ASTN2: variants seen among roughly 807,000 people sequenced by gnomAD.
The protein encoded by ASTN2 is astrotactin 2, also known as astrotactin-2.
In ASTN2, 54 loss-of-function variants were observed where a neutral mutation model predicts 139.8. That is an observed-to-expected ratio of 0.39 (90% CI 0.31 to 0.48). The LOEUF (loss-of-function observed/expected upper bound fraction) is 0.48, where lower values mean the gene tolerates loss of function less well. ASTN2 is among the 20% of genes least tolerant of loss of function. The pLI is 0.95. For synonymous variants in ASTN2, 756 were observed against 719.5 expected, an observed-to-expected ratio of 1.05 and a Z score of -0.81; for missense variants, 1,565 against 1,725.1, an observed-to-expected ratio of 0.91 and a Z score of 1.64.
At chr9:116,697,464 A>G (rs1243221881) in intron 16 of ASTN2, 5 of 431,804 alleles carry the variant, frequency 1.2e-5, no homozygotes, top group South Asian at 9.8e-5. Flanking sequence ...AATCTGAATT[A>G]TTTCCCACTA....
chr9:116,795,018 C>T (rs1830654233), intron 13 of ASTN2, among the ~76,000 whole-genome samples: 1 of 152,152 alleles, frequency 6.6e-6, no homozygotes, highest in African/African-American at 2.4e-5. Context: ...CTCTTGTTGC[C>T]CAGGCTAGAG....
intron 16 of ASTN2, among the ~76,000 whole-genome samples, chr9:116,671,753 C>T (rs1859207221): frequency 1.3e-5 from 2 of 152,122 alleles, no homozygotes; most frequent in Admixed American, 1.3e-4. Context: ...GGGCAGTCTC[C>T]AGCCAAAAGC....
At chr9:116,976,231 A>G (rs768559478) in intron 8 of ASTN2, 43 bp from the exon 9 acceptor site, 4 of 1,564,432 alleles carry the variant, frequency 2.6e-6, no homozygotes, top group African/African-American at 2.7e-5. Context: ...CATTAGTCAG[A>G]GGCAGGTAGA....
chr9:116,460,504 T>A (rs948154407), intron 20 of ASTN2, among the ~76,000 whole-genome samples: 6 of 152,252 alleles, frequency 3.9e-5, no homozygotes, highest in African/African-American at 1.4e-4. Flanking sequence ...CTTTAGCTTT[T>A]TTATTTTTGA....
intron 10 of ASTN2, among the ~76,000 whole-genome samples, chr9:116,884,800 T>TCCC (rs146077443): frequency 2.8e-4 from 25 of 90,446 alleles, no homozygotes; most frequent in East Asian, 5.0e-4. Context: ...TCTCCAAATA[T>TCCC]CCGCCCCCCC....
chr9:117,168,601 C>T (rs533333790), intron 3 of ASTN2, among the ~76,000 whole-genome samples: 71 of 152,014 alleles, frequency 4.7e-4, no homozygotes, highest in Non-Finnish European at 9.4e-4. Flanking sequence ...TAATCCTCAC[C>T]GATTTCCAGA....
intron 7 of ASTN2, among the ~76,000 whole-genome samples, chr9:116,998,712 T>A (rs1263875056): frequency 6.6e-6 from 1 of 152,182 alleles, no homozygotes; most frequent in Non-Finnish European, 1.5e-5. Flanking sequence ...TATACAAATG[T>A]CCCCTCTACA....
intron 6 of ASTN2, among the ~76,000 whole-genome samples, chr9:117,021,868 T>C (rs1837892512): frequency 6.6e-6 from 1 of 152,190 alleles, no homozygotes; most frequent in Non-Finnish European, 1.5e-5. Flanking sequence ...TAATAAATGC[T>C]GGATAAATAT....
In ASTN2 at chr9:117,137,032, T is replaced by C. The variant is rs530216623; in HGVS notation, c.1168+4294A>G. On this transcript the variant is annotated intron_variant, in intron 4 of 22. Coordinates refer to ENST00000313400, the MANE Select transcript of ASTN2 (RefSeq NM_001365068.1). ...AAACCTATGGAATTTCTTCTGTACA[T>C]CCAAAGAAATCTTCCTCTGCTTTAT... Among the ~76,000 whole-genome samples the C allele has an allele frequency of 1.6e-4, 23 of 147,104 alleles. No homozygotes were observed. In the East Asian group the frequency reaches 4.4e-3, roughly 28 times the overall value.
At chr9:116,663,437 C>A (rs1858679001) in intron 16 of ASTN2, among the ~76,000 whole-genome samples, 1 of 152,090 alleles carries the variant, frequency 6.6e-6, no homozygotes, top group South Asian at 2.1e-4. Flanking sequence ...TACTGTTTTC[C>A]TGGGGGTTCA....
intron 7 of ASTN2, among the ~76,000 whole-genome samples, chr9:117,002,141 C>T (rs1205531661): frequency 1.3e-5 from 2 of 152,064 alleles, no homozygotes; most frequent in South Asian, 2.1e-4. Context: ...CTGGGCATTG[C>T]GGTGGAAAGA....
intron 5 of ASTN2, among the ~76,000 whole-genome samples, chr9:117,080,399 T>C (rs1828394560): frequency 1.3e-5 from 2 of 152,132 alleles, no homozygotes. Context: ...TTTTTCAGTA[T>C]TAGAGATTAT....
At chr9:117,153,742 T>C (rs1830374426) in intron 3 of ASTN2, among the ~76,000 whole-genome samples, 1 of 152,074 alleles carries the variant, frequency 6.6e-6, no homozygotes, top group South Asian at 2.1e-4. Context: ...TTAGTGATAA[T>C]TGTGAGGATG....
intron 11 of ASTN2, among the ~76,000 whole-genome samples, chr9:116,861,214 TACAC>T (rs60909208): frequency 0.096 from 13,711 of 143,534 alleles, 795 homozygotes; most frequent in African/African-American, 0.13. Context: ...AAGCCCAAGC[TACAC>T]ACACACACAC....
chr9:116,518,444 A>G (rs1253564265), intron 19 of ASTN2, among the ~76,000 whole-genome samples: 1 of 152,106 alleles, frequency 6.6e-6, no homozygotes, highest in East Asian at 1.9e-4. Context: ...AGTCTTTTCT[A>G]GACAAACAAA....
intron 13 of ASTN2, among the ~76,000 whole-genome samples, chr9:116,778,246 A>G (rs1830133584): frequency 6.6e-6 from 1 of 152,194 alleles, no homozygotes; most frequent in Non-Finnish European, 1.5e-5. Context: ...CTAGAAAGAT[A>G]GCACTACAGT....
At chr9:117,278,083 T>A (rs2133137310) in intron 2 of ASTN2, among the ~76,000 whole-genome samples, 1 of 152,286 alleles carries the variant, frequency 6.6e-6, no homozygotes, top group East Asian at 1.9e-4. Context: ...TCATGATAAA[T>A]CATCTCTGAC....
At chr9:116,885,035 G>C (rs989211737) in intron 10 of ASTN2, among the ~76,000 whole-genome samples, 5 of 151,742 alleles carry the variant, frequency 3.3e-5, no homozygotes, top group African/African-American at 1.2e-4. Flanking sequence ...CTTTTTATAA[G>C]GACAACAGTC....
At chr9:116,657,937 G>A (rs987999249) in intron 16 of ASTN2, among the ~76,000 whole-genome samples, 4 of 149,346 alleles carry the variant, frequency 2.7e-5, no homozygotes, top group African/African-American at 9.8e-5. Context: ...ACCCAGATTG[G>A]AGTGCAGTGG....
Sources: allele counts gnomAD v4.1 joint callset (sites outside exome capture counted in the v4.1 genomes callset), GRCh38; gene constraint gnomAD v4.1.1; transcripts MANE v1.5; gene names NCBI Gene and HGNC (gene_info 2026-07-23, HGNC 2026-07-21).